The following RELN variants were observed in gnomAD, a reference collection of about 807,000 sequenced individuals.
RELN encodes reelin.
RELN carries 108 observed loss-of-function variants against 427.6 expected under a neutral mutation model. The observed-to-expected ratio is 0.25, with a 90% CI of 0.22 to 0.30. The LOEUF (loss-of-function observed/expected upper bound fraction) is 0.30. Among genes scored for constraint, RELN ranks in the 10% least tolerant of loss-of-function variants. The probability of loss-of-function intolerance (pLI) is 1.00; values close to 1 mark genes in which losing one functional copy is unlikely to be tolerated. For synonymous variants in RELN, 1,524 were observed against 1,513.4 expected, an observed-to-expected ratio of 1.01 and a Z score of -0.16; for missense variants, 3,715 against 4,302.8, an observed-to-expected ratio of 0.86 and a Z score of 3.82.
At chr7:103,845,287 T>C (rs1160863539) in intron 2 of RELN, among the ~76,000 whole-genome samples, 1 of 152,052 alleles carries the variant, frequency 6.6e-6, no homozygotes, top group East Asian at 1.9e-4. Flanking sequence ...GCTTCCTGGG[T>C]TCAAGTGATT....
chr7:103,613,371 AC>A (rs1289359635), intron 20 of RELN, among the ~76,000 whole-genome samples: 2 of 152,208 alleles, frequency 1.3e-5, no homozygotes, highest in African/African-American at 4.8e-5. Flanking sequence ...ATGCAATGAT[AC>A]TCTGATGTTA....
chr7:103,640,727 G>A lies in RELN; in HGVS notation c.2003-118C>T, dbSNP rs940511828. 7 of 984,496 alleles carry A rather than the reference G, an allele frequency of 7.1e-6. No homozygotes were observed. The highest frequency in any genetic ancestry group is 2.1e-4 in the Middle Eastern group (1 of 4,834). The allele number at this position is 984,496 out of a possible 1,614,324, so 61.0% of individuals were successfully genotyped here. A position where few individuals can be genotyped will look rare whatever the true frequency, so the allele number is the denominator to read the frequency against. On this transcript the variant is annotated intron_variant, in intron 16 of 64. Coordinates refer to ENST00000428762, the MANE Select transcript of RELN (RefSeq NM_005045.4). The surrounding 1 kb of genome is among the most constrained non-coding windows in gnomAD (Gnocchi z 4.1). Reference sequence around the variant, plus strand: ...TGTGTATGTTGTGTGCAGGAACCCAGGGTGACATATGGAATGCTGTGTAAT... The same window carrying A: ...TGTGTATGTTGTGTGCAGGAACCCAAGGTGACATATGGAATGCTGTGTAAT...
chr7:103,499,744 G>A (rs1400166100), intron 53 of RELN, among the ~76,000 whole-genome samples: 1 of 152,128 alleles, frequency 6.6e-6, no homozygotes, highest in African/African-American at 2.4e-5. Flanking sequence ...GGTTAACCAC[G>A]TAAACTTTCA....
intron 36 of RELN, among the ~76,000 whole-genome samples, chr7:103,560,274 G>A (rs1830614525): frequency 6.6e-6 from 1 of 152,138 alleles, no homozygotes; most frequent in Non-Finnish European, 1.5e-5. Flanking sequence ...ATTAAAAAGA[G>A]ACTATCATAT....
intron 11 of RELN, among the ~76,000 whole-genome samples, chr7:103,679,357 A>G (rs973458378): frequency 1.3e-5 from 2 of 152,214 alleles, no homozygotes; most frequent in Non-Finnish European, 2.9e-5. Flanking sequence ...AAAAGCCACA[A>G]ATAAGCCCAA....
intron 3 of RELN, among the ~76,000 whole-genome samples, chr7:103,819,099 T>C (rs1026186575): frequency 3.9e-5 from 6 of 152,148 alleles, no homozygotes; most frequent in Admixed American, 1.3e-4. Context: ...TGACTGTGCG[T>C]CTCTGTACAT....
intron 20 of RELN, among the ~76,000 whole-genome samples, chr7:103,617,733 T>A (rs1372775129): frequency 6.6e-6 from 1 of 152,074 alleles, no homozygotes; most frequent in African/African-American, 2.4e-5. Flanking sequence ...TGTTTGTCCC[T>A]CCAAATCTCA....
At chr7:103,579,493 G>T (rs932996326) in intron 28 of RELN, among the ~76,000 whole-genome samples, 1 of 151,758 alleles carries the variant, frequency 6.6e-6, no homozygotes, top group Non-Finnish European at 1.5e-5. Context: ...CAGCTACTCG[G>T]GAAGCTGAGG....
At chr7:103,970,209 C>A (rs1796736196) in intron 1 of RELN, among the ~76,000 whole-genome samples, 1 of 147,754 alleles carries the variant, frequency 6.8e-6, no homozygotes, top group South Asian at 2.2e-4. Context: ...GTGGTGTGAT[C>A]TCGGCTCATG....
intron 64 of RELN, 25 bp from the exon 65 acceptor site, chr7:103,472,933 G>A: frequency 6.4e-7 from 1 of 1,568,096 alleles, no homozygotes; most frequent in African/African-American, 1.4e-5. Context: ...CAGGATAGAG[G>A]CAGGGAAGGA....
intron 6 of RELN, among the ~76,000 whole-genome samples, chr7:103,746,843 G>T (rs1445194512): frequency 6.6e-6 from 1 of 151,712 alleles, no homozygotes; most frequent in Non-Finnish European, 1.5e-5. Flanking sequence ...AACCATTGTG[G>T]AAGTCAGTGT....
chr7:103,898,785 G>A (rs552863905), intron 2 of RELN, among the ~76,000 whole-genome samples: 2 of 151,870 alleles, frequency 1.3e-5, no homozygotes, highest in African/African-American at 2.4e-5. Flanking sequence ...AAAGCTAAAG[G>A]CTCCTTTAAA....
chr7:103,542,495 T>G (rs940190971), intron 43 of RELN, among the ~76,000 whole-genome samples: 1 of 152,220 alleles, frequency 6.6e-6, no homozygotes, highest in Non-Finnish European at 1.5e-5. Flanking sequence ...CAGATGTTAA[T>G]TTTTGCCTGT....
At chr7:103,549,653 T>G (rs1380155345) in intron 41 of RELN, among the ~76,000 whole-genome samples, 7 of 152,208 alleles carry the variant, frequency 4.6e-5, no homozygotes, top group African/African-American at 1.7e-4. Context: ...ATGAAAGCTC[T>G]GGTTTGCCAA....
intron 11 of RELN, among the ~76,000 whole-genome samples, chr7:103,677,891 C>T (rs537504917): frequency 6.6e-6 from 1 of 151,822 alleles, no homozygotes; most frequent in African/African-American, 2.4e-5. Flanking sequence ...AATGAGACGC[C>T]TTTTGTAGTG....
chr7:103,916,307 T>C (rs1048473412), intron 2 of RELN, among the ~76,000 whole-genome samples: 1 of 152,236 alleles, frequency 6.6e-6, no homozygotes, highest in Non-Finnish European at 1.5e-5. Flanking sequence ...ATAATGCAAT[T>C]CTATCCTTCT....
intron 14 of RELN, 90 bp downstream of exon 14, chr7:103,652,461 A>T: frequency 9.6e-7 from 1 of 1,038,668 alleles, no homozygotes; most frequent in Non-Finnish European, 1.5e-6. Flanking sequence ...AAATCCAGTT[A>T]AAACTCTACC....
intron 2 of RELN, among the ~76,000 whole-genome samples, chr7:103,872,789 T>C (rs1355920883): frequency 6.7e-6 from 1 of 149,556 alleles, no homozygotes; most frequent in African/African-American, 2.4e-5. Flanking sequence ...CATAGTGGTT[T>C]TGATTTGCAT....
At chr7:103,707,495 CTTTCT>C (rs899389868) in intron 8 of RELN, among the ~76,000 whole-genome samples, 3 of 150,002 alleles carry the variant, frequency 2.0e-5, no homozygotes, top group Non-Finnish European at 2.9e-5. Context: ...AAATCTATTT[CTTTCT>C]TTTCTTTTTT....
Sources: allele counts gnomAD v4.1 joint callset (sites outside exome capture counted in the v4.1 genomes callset), GRCh38; gene constraint gnomAD v4.1.1; non-coding constraint Gnocchi (gnomAD v3.1); transcripts MANE v1.5; gene names NCBI Gene and HGNC (gene_info 2026-07-23, HGNC 2026-07-21).